Variants in ELN observed in about 807,000 individuals in gnomAD.
ELN encodes the protein elastin, also known as tropoelastin.
A neutral mutation model predicts 105.8 loss-of-function variants in ELN; 65 were observed. That is an observed-to-expected ratio of 0.61 (90% confidence interval 0.50 to 0.75). The LOEUF is 0.75. Ranked by LOEUF, ELN falls within the 30% of genes least tolerant of loss-of-function variation. The probability of loss-of-function intolerance (pLI) is 0.00; values close to 1 mark genes in which losing one functional copy is unlikely to be tolerated. For missense variants in ELN, 882 were observed against 969.4 expected (o/e 0.91, Z 1.20); for synonymous variants, 368 against 389.2 (o/e 0.95, Z 0.64).
chr7:74,065,906 G>A (rs375743777), intron 30 of ELN, 38 bp from the exon 31 acceptor site: 68 of 1,614,036 alleles, frequency 4.2e-5, no homozygotes, highest in Middle Eastern at 1.7e-4. Context: ...TCTTCCCGAT[G>A]GGGGTGTCTT....
intron 3 of ELN, 106 bp from the exon 4 acceptor site, chr7:74,037,601 G>A (rs1790271586): frequency 1.3e-6 from 2 of 1,504,808 alleles, no homozygotes; most frequent in Admixed American, 2.0e-5. Context: ...GAGGACCTGG[G>A]GTGTGTGATT....
chr7:74,048,687 A>G, intron 15 of ELN, 131 bp downstream of exon 15: 5 of 979,470 alleles, frequency 5.1e-6, no homozygotes, highest in Non-Finnish European at 7.8e-6. Flanking sequence ...AACATCACCC[A>G]TCTATCTATC....
intron 22 of ELN, among the ~76,000 whole-genome samples, chr7:74,058,011 TCTC>T (rs1202385180): frequency 6.6e-6 from 1 of 151,654 alleles, no homozygotes; most frequent in African/African-American, 2.4e-5. Flanking sequence ...TTCTCCCCCT[TCTC>T]CTTCTCTTTC....
At chr7:74,040,065 G>A (rs945715137) in intron 4 of ELN, among the ~76,000 whole-genome samples, 1 of 152,186 alleles carries the variant, frequency 6.6e-6, no homozygotes, top group East Asian at 1.9e-4. Flanking sequence ...AGAGACAGAA[G>A]TGGTCAGGCC....
intron 3 of ELN, among the ~76,000 whole-genome samples, chr7:74,037,409 G>A (rs1310547298): frequency 6.6e-6 from 1 of 151,886 alleles, no homozygotes; most frequent in South Asian, 2.1e-4. Context: ...TGCCAGGCTG[G>A]TCTCAAACTC....
intron 16 of ELN, 27 bp downstream of exon 16, chr7:74,051,866 G>T: frequency 2.5e-6 from 4 of 1,614,200 alleles, no homozygotes; most frequent in Non-Finnish European, 3.4e-6. Context: ...CAGGGGGCGG[G>T]TGTGTCCTTG....
intron 10 of ELN, 49 bp downstream of exon 10, chr7:74,045,342 C>A: frequency 6.2e-7 from 1 of 1,605,664 alleles, no homozygotes; most frequent in Non-Finnish European, 8.5e-7. Context: ...TCTCCAACCA[C>A]CTTCTGGCCC....
chr7:74,031,069 T>C (rs1382728749), intron 1 of ELN, among the ~76,000 whole-genome samples: 1 of 152,212 alleles, frequency 6.6e-6, no homozygotes, highest in African/African-American at 2.4e-5. Context: ...TGGACTTTGG[T>C]TTGGCAAAGC....
At chr7:74,051,174 G>T (rs1312058791) in intron 15 of ELN, among the ~76,000 whole-genome samples, 1 of 152,160 alleles carries the variant, frequency 6.6e-6, no homozygotes, top group African/African-American at 2.4e-5. Flanking sequence ...TTCATCCTCA[G>T]CCCCAGGGAA....
intron 29 of ELN, among the ~76,000 whole-genome samples, chr7:74,064,211 C>G (rs1383447262): frequency 1.3e-4 from 20 of 151,188 alleles, no homozygotes; most frequent in Admixed American, 1.3e-3. Context: ...GAGGTCAGAT[C>G]AAGACCATCC....
chr7:74,057,439 C>T lies in ELN; in HGVS notation c.1358-201C>T, dbSNP rs782004861. ...GTGCCAGGTGCCCCAGGCGCAGTCC[C>T]AGGTGTGCCGGGCACGGGAGGAGTG... On this transcript the variant is annotated intron_variant, in intron 21 of 32. Coordinates refer to ENST00000252034, the MANE Select transcript of ELN (RefSeq NM_000501.4). The T allele has an allele frequency of 2.0e-6, 3 of 1,534,646 alleles. No homozygotes were observed. The South Asian group carries it at 3.8e-5, about 19-fold the overall frequency.
chr7:74,050,594 C>G (rs1167680014), intron 15 of ELN, among the ~76,000 whole-genome samples: 1 of 151,240 alleles, frequency 6.6e-6, no homozygotes, highest in African/African-American at 2.4e-5. Flanking sequence ...CCCATCCATC[C>G]ATTCACCCAT....
At chr7:74,048,349 G>A (rs1023292925) in intron 14 of ELN, 148 bp downstream of exon 14, 50 of 1,487,042 alleles carry the variant, frequency 3.4e-5, no homozygotes, top group Admixed American at 2.0e-4. Context: ...TCCTGGGGGA[G>A]GAGTGGGGCA....
chr7:74,043,971 C>A lies in ELN; in HGVS notation c.469+51C>A, dbSNP rs368307835. On this transcript the variant is annotated intron_variant, in intron 9 of 32. Coordinates refer to ENST00000252034, the MANE Select transcript of ELN (RefSeq NM_000501.4). Reference sequence around the variant, plus strand: ...CTCTATAGGAAGAAAGCAGCCAGGACGCAGTGGCTCATGCCTATAATCCCA... The same window carrying A: ...CTCTATAGGAAGAAAGCAGCCAGGAAGCAGTGGCTCATGCCTATAATCCCA... 5.0e-6 allele frequency: 8 copies of A among 1,607,880 alleles called. No individual in the cohort carries two copies. The Admixed American group carries it at 1.3e-4, about 27-fold the overall frequency.
rs150794102 is a variant in ELN, at chr7:74,035,705, T to TAC, written c.133+309_133+310dup. 1,124 of 475,458 alleles carry TAC rather than the reference T, an allele frequency of 2.4e-3. 3 individuals carry two copies. The highest frequency in any genetic ancestry group is 0.013 in the Middle Eastern group (25 of 1,994). The allele number at this position is 475,458 out of a possible 1,614,324, so 29.5% of individuals were successfully genotyped here. On this transcript the variant is annotated intron_variant, in intron 2 of 32. Coordinates refer to ENST00000252034, the MANE Select transcript of ELN (RefSeq NM_000501.4). ...GACAACATAGTGAGATCCCCCTCTC[T>TAC]ACACACACACACACACACAAATTTA...
chr7:74,056,606 A>C, intron 20 of ELN, 66 bp from the exon 21 acceptor site: 2 of 1,612,428 alleles, frequency 1.2e-6, no homozygotes, highest in Non-Finnish European at 1.7e-6. Flanking sequence ...GAAGAGCTTT[A>C]AACACGGCTC....
chr7:74,040,541 G>A (rs1790969279), intron 4 of ELN, among the ~76,000 whole-genome samples: 1 of 152,214 alleles, frequency 6.6e-6, no homozygotes, highest in African/African-American at 2.4e-5. Flanking sequence ...CACCCCTGAG[G>A]CTCAGGACTA....
In ELN at chr7:74,056,668, G is replaced by A; in HGVS notation, c.1316-4G>A. On this transcript the variant is annotated splice_polypyrimidine_tract_variant and splice_region_variant and intron_variant, in intron 20 of 32. Coordinates refer to ENST00000252034, the MANE Select transcript of ELN (RefSeq NM_000501.4). ...GGGTCTCTTTCTTTCTCGTTTCCTT[G>A]TAGCCGAAGCTCAGGCAGCAGCTGC... 1.9e-6 allele frequency: 3 copies of A among 1,613,850 alleles called. No homozygotes were observed. Among genetic ancestry groups the A allele is most frequent in the Non-Finnish European group, 2.5e-6 (3 of 1,180,032 alleles).
intron 2 of ELN, 55 bp from the exon 3 acceptor site, chr7:74,036,500 G>A (rs939211799): frequency 6.2e-7 from 1 of 1,611,212 alleles, no homozygotes; most frequent in African/African-American, 1.3e-5. Context: ...GGTGGCAGCG[G>A]GCTTGCCTGG....
Sources: gnomAD v4.1 joint callset for allele counts (sites outside exome capture counted in the v4.1 genomes callset) on GRCh38, gnomAD v4.1.1 for gene constraint, MANE v1.5 for transcripts, NCBI Gene and HGNC (gene_info 2026-07-23, HGNC 2026-07-21) for gene names.